The following CDKL3 variants were observed in gnomAD, a reference collection of about 807,000 sequenced individuals.
CDKL3 encodes the protein cyclin-dependent kinase-like 3.
CDKL3 carries 65 observed loss-of-function variants against 69.3 expected under a neutral mutation model. The observed-to-expected ratio is 0.94, with a 90% CI of 0.77 to 1.15. The LOEUF is 1.15. Ranked by LOEUF, CDKL3 falls within the 50% of genes most tolerant of loss-of-function variation. CDKL3 has a pLI of 0.00. For synonymous variants in CDKL3, 202 were observed against 221.6 expected (o/e 0.91, Z 0.79); for missense variants, 652 against 689.2 (o/e 0.95, Z 0.61).
At chr5:134,361,462 A>G (rs1030035359) in intron 2 of CDKL3, among the ~76,000 whole-genome samples, 5 of 152,190 alleles carry the variant, frequency 3.3e-5, no homozygotes, top group East Asian at 1.9e-4. Flanking sequence ...ACTTCTCTGT[A>G]ACTAACGAAG....
chr5:134,340,392 A>G (rs1750180979), intron 4 of CDKL3, among the ~76,000 whole-genome samples: 1 of 152,206 alleles, frequency 6.6e-6, no homozygotes, highest in African/African-American at 2.4e-5. Context: ...CATTAAATAG[A>G]GAATAAGAAA....
rs1205007004 is a variant in CDKL3, at chr5:134,366,547, T to G, written c.-21-3A>C. 1 of 1,550,876 alleles carries G rather than the reference T, an allele frequency of 6.4e-7. No individual in the cohort carries two copies. Among genetic ancestry groups the G allele is most frequent in the Non-Finnish European group, 8.7e-7 (1 of 1,146,360 alleles). On this transcript the variant is annotated splice_polypyrimidine_tract_variant and splice_region_variant and intron_variant, in intron 1 of 12. Transcript: ENST00000265334. ...ATTTTCAAGCTGGGCTTTTACTACT[T>G]TATAGAAATAAAGAAAGAAAATGGA...
At chr5:134,304,654 T>C (rs1024794121) in intron 10 of CDKL3, 87 bp from the exon 11 acceptor site, 14 of 976,056 alleles carry the variant, frequency 1.4e-5, no homozygotes, top group Non-Finnish European at 2.0e-5. Flanking sequence ...ATTTGGATGG[T>C]ATAAGATAGA....
At chr5:134,357,703 A>G (rs1337122579) in intron 3 of CDKL3, among the ~76,000 whole-genome samples, 1 of 151,944 alleles carries the variant, frequency 6.6e-6, no homozygotes, top group Non-Finnish European at 1.5e-5. Context: ...TTACTTCCCA[A>G]GTCCTGTGAT....
intron 4 of CDKL3, among the ~76,000 whole-genome samples, chr5:134,344,528 C>A (rs1045171971): frequency 1.3e-5 from 2 of 152,022 alleles, no homozygotes; most frequent in Non-Finnish European, 2.9e-5. Flanking sequence ...GGCCAATAAG[C>A]ACACGCACAC....
intron 3 of CDKL3, among the ~76,000 whole-genome samples, chr5:134,352,622 A>AT (rs1340409325): frequency 6.6e-6 from 1 of 151,554 alleles, no homozygotes; most frequent in African/African-American, 2.4e-5. Context: ...TTTTTTATTT[A>AT]TTTTTTTAAA....
intron 8 of CDKL3, among the ~76,000 whole-genome samples, chr5:134,290,008 T>C (rs1561483051): frequency 1.3e-5 from 2 of 152,138 alleles, no homozygotes; most frequent in Non-Finnish European, 2.9e-5. Flanking sequence ...TGTGTGCCAA[T>C]ATATGTTATG....
chr5:134,368,806 G>A (rs565942912), upstream of CDKL3, among the ~76,000 whole-genome samples: 1 of 151,990 alleles, frequency 6.6e-6, no homozygotes, highest in Non-Finnish European at 1.5e-5. Flanking sequence ...GGGAGGCCAA[G>A]GTGGGCAGAT....
At position 134,304,471 on chromosome 5, in the gene CDKL3, T is replaced by G; in HGVS notation, c.1555A>C (p.Arg519=). 1.2e-6 allele frequency: 2 copies of G among 1,612,954 alleles called. No individual in the cohort carries two copies. Among genetic ancestry groups the G allele is most frequent in the Non-Finnish European group, 1.7e-6 (2 of 1,179,434 alleles). ...KRKLNFSRSD[R]KEFHFPELPV... is the part of the protein sequence containing the mutation. ...AATTCTGGAAAATGGAATTCTTTCC[T>G]GTCAGATCTGGAAAAATTCAGCTTC... Residue 519 remains arginine, a synonymous_variant, in exon 11 of 13, where the codon AGG becomes CGG. Transcript: ENST00000265334.
chr5:134,358,332 CA>C (rs1561642005), intron 3 of CDKL3, among the ~76,000 whole-genome samples: 1 of 152,188 alleles, frequency 6.6e-6, no homozygotes, highest in African/African-American at 2.4e-5. Flanking sequence ...TCTACTCCAA[CA>C]AAATCCTAGC....
chr5:134,299,402 A>T, intron 12 of CDKL3: 1 of 768,258 alleles, frequency 1.3e-6, no homozygotes, highest in Non-Finnish European at 1.7e-6. Context: ...AGTATGATTG[A>T]AATAATAGGT....
intron 12 of CDKL3, chr5:134,302,072 A>C (rs1428363222): frequency 2.0e-5 from 9 of 451,848 alleles, no homozygotes; most frequent in African/African-American, 6.0e-5. Flanking sequence ...TACAGGCTTC[A>C]AGATTTTCAA....
chr5:134,328,014 A>C (rs567982405), intron 4 of CDKL3, among the ~76,000 whole-genome samples: 1 of 152,266 alleles, frequency 6.6e-6, no homozygotes, highest in East Asian at 1.9e-4. Context: ...CAAACAAGCA[A>C]ATAACAGTAA....
At chr5:134,359,363 G>C (rs1755439284) in intron 3 of CDKL3, among the ~76,000 whole-genome samples, 1 of 152,172 alleles carries the variant, frequency 6.6e-6, no homozygotes, top group African/African-American at 2.4e-5. Flanking sequence ...CAATGCTAAA[G>C]TCAACACTAA....
downstream of CDKL3, among the ~76,000 whole-genome samples, chr5:134,296,674 G>A (rs114471584): frequency 4.7e-3 from 709 of 152,118 alleles, 6 homozygotes; most frequent in African/African-American, 0.016. Flanking sequence ...GCGTCAAGGC[G>A]TGCTGGCTCA....
At chr5:134,334,678 T>C (rs1212469743) in intron 4 of CDKL3, among the ~76,000 whole-genome samples, 1 of 152,142 alleles carries the variant, frequency 6.6e-6, no homozygotes, top group Non-Finnish European at 1.5e-5. Context: ...GTCACAGAGA[T>C]AGTTTGTTGT....
intron 4 of CDKL3, among the ~76,000 whole-genome samples, chr5:134,345,353 A>G (rs1751598790): frequency 6.6e-6 from 1 of 152,214 alleles, no homozygotes; most frequent in African/African-American, 2.4e-5. Context: ...ACAACATGTG[A>G]AAAATGAGCC....
intron 12 of CDKL3, chr5:134,299,801 G>T: frequency 8.2e-7 from 1 of 1,220,878 alleles, no homozygotes. Flanking sequence ...GTGAGTCTTT[G>T]GCTAAGGAAA....
intron 7 of CDKL3, among the ~76,000 whole-genome samples, chr5:134,308,949 A>C (rs1012757098): frequency 2.6e-5 from 4 of 152,236 alleles, no homozygotes; most frequent in Non-Finnish European, 5.9e-5. Context: ...CTACTATATA[A>C]AACTTTTACA....
Sources: gnomAD v4.1 joint callset for allele counts (sites outside exome capture counted in the v4.1 genomes callset) on GRCh38, gnomAD v4.1.1 for gene constraint, MANE v1.5 for transcripts, NCBI Gene and HGNC (gene_info 2026-07-23, HGNC 2026-07-21) for gene names.